The following RECK variants were observed in gnomAD, a reference collection of about 807,000 sequenced individuals.
The protein encoded by RECK is reversion inducing cysteine rich protein with kazal motifs.
In RECK, 69 loss-of-function variants were observed where a neutral mutation model predicts 115.1. The observed-to-expected ratio is 0.60, with a 90% CI of 0.49 to 0.73. The LOEUF (loss-of-function observed/expected upper bound fraction) is 0.73, where lower values mean the gene tolerates loss of function less well. RECK is among the 30% of genes least tolerant of loss of function. RECK has a pLI of 0.00. For synonymous variants in RECK, 414 were observed against 419.7 expected (o/e 0.99, Z 0.17); for missense variants, 1,047 against 1,203.7 (o/e 0.87, Z 1.93).
At chr9:36,091,119 C>T (rs1249180630) in intron 9 of RECK, 45 bp from the exon 10 acceptor site, 1 of 1,564,994 alleles carries the variant, frequency 6.4e-7, no homozygotes. Flanking sequence ...CAAATATTTA[C>T]TTGGTTGGCT....
chr9:36,070,661 T>TA (rs1347501661), intron 6 of RECK, among the ~76,000 whole-genome samples: 1 of 152,192 alleles, frequency 6.6e-6, no homozygotes, highest in Non-Finnish European at 1.5e-5. Context: ...AGTAAAGACT[T>TA]ACTGGATTCA....
chr9:36,103,777 T>A (rs1212740135), intron 12 of RECK, among the ~76,000 whole-genome samples: 1 of 152,220 alleles, frequency 6.6e-6, no homozygotes, highest in African/African-American at 2.4e-5. Flanking sequence ...TTTAGACCTT[T>A]GTGTCTTTGA....
At chr9:36,050,947 G>A (rs1010866285) in intron 1 of RECK, among the ~76,000 whole-genome samples, 3 of 151,764 alleles carry the variant, frequency 2.0e-5, no homozygotes, top group African/African-American at 7.3e-5. Flanking sequence ...TCTTTAACTT[G>A]TTTTATTATT....
Position 36,080,643 on chromosome 9 carries a change from G to A in RECK, c.439+5G>A, listed in dbSNP as rs778487516. On this transcript the variant is annotated splice_donor_5th_base_variant and intron_variant, in intron 7 of 20. Transcript: ENST00000377966. ...GTTGCATTAGCAGAAATGAAAGTAA[G>A]TATATTTGTCAATGGTTGTACAAAC... 6.2e-7 allele frequency: 1 copy of A among 1,609,692 alleles called. No individual in the cohort carries two copies. Among genetic ancestry groups the A allele is most frequent in the South Asian group, 1.1e-5 (1 of 90,796 alleles).
chr9:36,091,278 G>C lies in RECK; in HGVS notation c.1020G>C (p.Ala340=). 6.2e-7 allele frequency: 1 copy of C among 1,610,542 alleles called. No individual in the cohort carries two copies. The highest frequency in any genetic ancestry group is 8.5e-7 in the Non-Finnish European group (1 of 1,178,782). The part of the protein sequence containing the change: ...PVEVSMLTCL[A]DVREPCQLGC... ...AAGTGTCCATGTTGACCTGTTTAGC[G>C]GATGTCCGGGAACCTTGCCAGTTGG... Residue 340 remains alanine (A), a synonymous_variant, in exon 10 of 21, where the codon GCG becomes GCC. Coordinates refer to ENST00000377966, the MANE Select transcript of RECK (RefSeq NM_021111.3).
At chr9:36,106,837 G>A (rs1407587670) in intron 13 of RECK, among the ~76,000 whole-genome samples, 1 of 151,646 alleles carries the variant, frequency 6.6e-6, no homozygotes, top group African/African-American at 2.4e-5. Flanking sequence ...GGGCGCAGTG[G>A]CTCACACCTG....
chr9:36,077,800 C>T (rs1210152491), intron 6 of RECK, among the ~76,000 whole-genome samples: 1 of 152,108 alleles, frequency 6.6e-6, no homozygotes, highest in Non-Finnish European at 1.5e-5. Context: ...CCTTTTTCTT[C>T]AGGTATTGGG....
chr9:36,113,622 T>C (rs1262002879), intron 16 of RECK, among the ~76,000 whole-genome samples: 1 of 152,204 alleles, frequency 6.6e-6, no homozygotes, highest in Non-Finnish European at 1.5e-5. Context: ...TTCTTGAGTA[T>C]ATACAAGATT....
At chr9:36,120,795 C>T (rs943357916) in intron 19 of RECK, 59 bp downstream of exon 19, 2 of 1,134,940 alleles carry the variant, frequency 1.8e-6, no homozygotes, top group East Asian at 4.7e-5. Flanking sequence ...CTCAGTAATC[C>T]TAGAGAGTAG....
intron 6 of RECK, among the ~76,000 whole-genome samples, chr9:36,067,848 T>C (rs1021905096): frequency 6.6e-6 from 1 of 152,120 alleles, no homozygotes; most frequent in East Asian, 1.9e-4. Context: ...TTTGGAGTTA[T>C]CAGGAAAAAC....
chr9:36,048,384 T>G (rs1017169534), intron 1 of RECK, among the ~76,000 whole-genome samples: 1 of 151,910 alleles, frequency 6.6e-6, no homozygotes, highest in African/African-American at 2.4e-5. Context: ...TTGGCAACCT[T>G]TTTCCTTTTC....
chr9:36,110,381 A>AC (rs1417236441), intron 15 of RECK, among the ~76,000 whole-genome samples: 1 of 152,070 alleles, frequency 6.6e-6, no homozygotes, highest in Non-Finnish European at 1.5e-5. Flanking sequence ...CTGGTAGAAT[A>AC]CCCCATTTAC....
At chr9:36,122,308 A>G (rs1206507146) in intron 20 of RECK, among the ~76,000 whole-genome samples, 4 of 152,226 alleles carry the variant, frequency 2.6e-5, no homozygotes, top group East Asian at 1.9e-4. Context: ...TCATGTTTCA[A>G]TGGACATTAA....
chr9:36,083,336 G>A (rs765349226), intron 7 of RECK, 29 bp from the exon 8 acceptor site: 2 of 1,607,742 alleles, frequency 1.2e-6, no homozygotes, highest in Non-Finnish European at 1.7e-6. Context: ...CTGTTTCCAT[G>A]TCAGTGCCTT....
intron 11 of RECK, 33 bp from the exon 12 acceptor site, chr9:36,102,061 A>C (rs745723653): frequency 1.2e-6 from 2 of 1,600,032 alleles, no homozygotes; most frequent in Non-Finnish European, 1.7e-6. Flanking sequence ...GAGGTTCCTC[A>C]AGCTCTAAAC....
chr9:36,041,771 CTTTTT>C (rs35445082), intron 1 of RECK, among the ~76,000 whole-genome samples: 1 of 127,704 alleles, frequency 7.8e-6, no homozygotes, highest in African/African-American at 3.0e-5. Context: ...AATCAGCTTC[CTTTTT>C]TTTTTTTTTT....
At chr9:36,071,165 G>C (rs934736196) in intron 6 of RECK, among the ~76,000 whole-genome samples, 1 of 152,110 alleles carries the variant, frequency 6.6e-6, no homozygotes, top group Non-Finnish European at 1.5e-5. Context: ...TTTTCCAGGG[G>C]GTGTGAAATA....
At chr9:36,108,229 T>C in intron 14 of RECK, 65 bp downstream of exon 14, 6 of 1,212,740 alleles carry the variant, frequency 4.9e-6, no homozygotes, top group South Asian at 3.1e-5. Flanking sequence ...GTAGGAAGAA[T>C]ACTGGATAGA....
intron 10 of RECK, among the ~76,000 whole-genome samples, chr9:36,099,655 GT>G (rs561982820): frequency 1.3e-5 from 2 of 150,262 alleles, no homozygotes; most frequent in Non-Finnish European, 3.0e-5. Context: ...GTTTGTTTTT[GT>G]TTTTTTTTAG....
Sources: gnomAD v4.1 joint callset for allele counts (sites outside exome capture counted in the v4.1 genomes callset) on GRCh38, gnomAD v4.1.1 for gene constraint, MANE v1.5 for transcripts, NCBI Gene and HGNC (gene_info 2026-07-23, HGNC 2026-07-21) for gene names.